Variants in URI1 observed in about 807,000 individuals in gnomAD.
URI1 encodes URI1 prefoldin like chaperone.
Under a neutral mutation model 60.2 loss-of-function variants are expected in URI1, and 39 were observed. The ratio of observed to expected loss-of-function variants is 0.65; its 90% CI spans 0.50 to 0.85. The LOEUF is 0.85. Among genes scored for constraint, URI1 ranks in the 40% least tolerant of loss-of-function variants. The pLI, the probability that URI1 is intolerant of heterozygous loss-of-function variation, is 0.00. For missense variants in URI1, 691 were observed against 665.9 expected (o/e 1.04, Z -0.42); for synonymous variants, 251 against 236.8 (o/e 1.06, Z -0.55).
At chr19:29,949,235 G>A (rs1339452572) in intron 1 of URI1, among the ~76,000 whole-genome samples, 1 of 148,888 alleles carries the variant, frequency 6.7e-6, no homozygotes, top group African/African-American at 2.5e-5. Context: ...TTTTCAGACG[G>A]GGCGGCCGGG....
intron 10 of URI1, chr19:30,012,810 A>AT (rs1228235160): frequency 1.9e-5 from 5 of 269,078 alleles, no homozygotes; most frequent in African/African-American, 1.1e-4. Flanking sequence ...TAGCTAGGAA[A>AT]TTATTTCGCA....
chr19:29,943,131 AAG>A (rs1375913936), intron 1 of URI1, among the ~76,000 whole-genome samples: 1 of 152,016 alleles, frequency 6.6e-6, no homozygotes, highest in South Asian at 2.1e-4. Flanking sequence ...TTAAAAAAAA[AAG>A]AGAGTCTCAC....
upstream of URI1, among the ~76,000 whole-genome samples, chr19:29,939,143 A>G (rs1455029527): frequency 6.6e-6 from 1 of 151,318 alleles, no homozygotes; most frequent in Non-Finnish European, 1.5e-5. Flanking sequence ...ACACCTGGCT[A>G]ATTTTGTATT....
chr19:29,932,654 CTTTT>C (rs34146888), intron 1 of URI1, among the ~76,000 whole-genome samples: 1 of 131,552 alleles, frequency 7.6e-6, no homozygotes. Context: ...CCCTTCATTC[CTTTT>C]TTTTTTTTTT....
Position 30,015,145 on chromosome 19 carries a change from G to A in URI1, c.*76G>A. The A allele has an allele frequency of 6.6e-7, 1 of 1,516,808 alleles. No homozygotes were observed. Among genetic ancestry groups the A allele is most frequent in the Non-Finnish European group, 8.8e-7 (1 of 1,135,454 alleles). The allele number at this position is 1,516,808 out of a possible 1,614,324, so 94.0% of individuals were successfully genotyped here. On this transcript the variant is annotated 3_prime_UTR_variant, in exon 11 of 11. Coordinates refer to ENST00000392271, the MANE Select transcript of URI1 (RefSeq NM_003796.3). ...GTTTAGAGTATCTATAGCAAAATAG[G>A]TTACATGTAGTTTGAAATAAGGTAT...
intron 1 of URI1, among the ~76,000 whole-genome samples, chr19:29,963,425 A>G (rs1386570483): frequency 2.0e-5 from 3 of 152,092 alleles, no homozygotes; most frequent in Non-Finnish European, 4.4e-5. Context: ...TCAGTTGTAC[A>G]ATTTTCATTG....
In URI1 at chr19:29,954,556, C is replaced by A. The variant is rs537925498; in HGVS notation, c.117+11892C>A. 7.5e-5 allele frequency among the ~76,000 whole-genome samples: 11 copies of A among 147,048 alleles called. No homozygotes were observed. In the South Asian group the frequency reaches 1.7e-3, roughly 23 times the overall value. The stretch of plus-strand genomic sequence containing the variant: ...TGAGACAGAGTTTCACTCTTGTTGC[C>A]CAGGCTGGAGTGCAGTGGCGCAATC... On this transcript the variant is annotated intron_variant, in intron 1 of 10. Coordinates refer to ENST00000392271, the MANE Select transcript of URI1 (RefSeq NM_003796.3).
Position 29,942,299 on chromosome 19 carries a change from G to T in URI1, c.-249G>T. ...TGGGCCCGCACCGGAGAGGCGTCTC[G>T]GTACCTGGCAGGCGGCCTGCTACTC... On this transcript the variant is annotated 5_prime_UTR_variant, in exon 1 of 11. Transcript: ENST00000392271. 1 of 985,194 alleles carries T rather than the reference G, an allele frequency of 1.0e-6. No homozygotes were observed. Among genetic ancestry groups the T allele is most frequent in the South Asian group, 4.5e-5 (1 of 22,028 alleles). The allele number at this position is 985,194 out of a possible 1,614,324, so 61.0% of individuals were successfully genotyped here.
chr19:29,925,568 G>A (rs1277458317), intron 1 of URI1: 3 of 152,268 alleles, frequency 2.0e-5, no homozygotes, highest in African/African-American at 7.2e-5. Flanking sequence ...GAAGGCTGAA[G>A]AAACTCCACA....
chr19:30,012,469 A>AT lies in URI1; in HGVS notation c.1367dup (p.Leu456PhefsTer20), dbSNP rs1228254154. The AT allele has an allele frequency of 6.2e-7, 1 of 1,614,206 alleles. No individual in the cohort carries two copies. Among genetic ancestry groups the AT allele is most frequent in the Non-Finnish European group, 8.5e-7 (1 of 1,180,014 alleles). Reference sequence around the variant, plus strand: ...CACTTGCAGTGACACCAGTGAGAGCATTTTGGAAGAGGAACCACAAGAAAA... The same window carrying AT: ...CACTTGCAGTGACACCAGTGAGAGCATTTTTGGAAGAGGAACCACAAGAAAA... On this transcript the variant is annotated frameshift_variant, in exon 10 of 11. Coordinates refer to ENST00000392271, the MANE Select transcript of URI1 (RefSeq NM_003796.3). LOFTEE classifies it high-confidence loss of function.
chr19:29,994,552 T>A (rs892026049), intron 4 of URI1, among the ~76,000 whole-genome samples: 2 of 152,210 alleles, frequency 1.3e-5, no homozygotes, highest in Admixed American at 6.5e-5. Flanking sequence ...TTATTTCACA[T>A]AGCATAATGT....
chr19:29,982,362 C>T (rs1031206213), intron 2 of URI1, among the ~76,000 whole-genome samples: 16 of 152,002 alleles, frequency 1.1e-4, no homozygotes, highest in Admixed American at 8.5e-4. Context: ...TGTTTTTGAA[C>T]GTACTGTTCT....
chr19:29,935,833 C>A (rs1318053502), intron 1 of URI1, among the ~76,000 whole-genome samples: 1 of 151,236 alleles, frequency 6.6e-6, no homozygotes, highest in Non-Finnish European at 1.5e-5. Flanking sequence ...GTCATCCAGG[C>A]TGGAGTGAAA....
intron 1 of URI1, among the ~76,000 whole-genome samples, chr19:29,949,464 G>C (rs1184720216): frequency 1.3e-5 from 2 of 151,878 alleles, no homozygotes; most frequent in Non-Finnish European, 2.9e-5. Context: ...CATCCCAGAC[G>C]ATGGGCGGCC....
intron 4 of URI1, among the ~76,000 whole-genome samples, chr19:29,995,188 T>G (rs1358686833): frequency 6.6e-6 from 1 of 152,164 alleles, no homozygotes; most frequent in African/African-American, 2.4e-5. Context: ...CACATTCTTG[T>G]CAACACTTGT....
At chr19:30,012,618 A>G in intron 10 of URI1, 87 bp downstream of exon 10, 2 of 1,478,252 alleles carry the variant, frequency 1.4e-6, no homozygotes, top group South Asian at 1.4e-5. Flanking sequence ...ATAAGATTAA[A>G]TTAATTCTAG....
At chr19:29,926,269 TTCCTTCCTTCCTTCC>T (rs2054866356) in intron 1 of URI1, among the ~76,000 whole-genome samples, 1 of 143,486 alleles carries the variant, frequency 7.0e-6, no homozygotes, top group African/African-American at 2.7e-5. Context: ...CCTTCCTTCC[TTCCTTCCTTCCTTCC>T]TACCTTCTTT....
chr19:29,942,593 T>TCGGCCC lies in URI1; in HGVS notation c.54_59dup (p.Pro20_Ala21dup), dbSNP rs572078888. On this transcript the variant is annotated inframe_insertion, in exon 1 of 11. Transcript: ENST00000392271. Reference sequence around the variant, plus strand: ...GACGCCCCCCGACCCCTCGCCCCCTTCGGCCCCGGCCCCTGCCCTGGTTCC... The same window carrying TCGGCCC: ...GACGCCCCCCGACCCCTCGCCCCCTTCGGCCCCGGCCCCGGCCCCTGCCCTGGTTCC... The TCGGCCC allele has an allele frequency of 2.8e-3, 4,039 of 1,427,028 alleles. 7 individuals carry two copies. The highest frequency in any genetic ancestry group is 3.4e-3 in the Non-Finnish European group (3,697 of 1,092,840). 88.4% of individuals were successfully genotyped at this position (1,427,028 alleles called of 1,614,324 possible).
At position 29,952,663 on chromosome 19, in the gene URI1, G is replaced by A. The variant is rs147356816; in HGVS notation, c.117+9999G>A. 4.9e-3 allele frequency among the ~76,000 whole-genome samples: 750 copies of A among 151,930 alleles called. 8 individuals are homozygous for A. Among genetic ancestry groups the A allele is most frequent in the African/African-American group, 0.017 (712 of 41,516 alleles). On this transcript the variant is annotated intron_variant, in intron 1 of 10. Coordinates refer to ENST00000392271, the MANE Select transcript of URI1 (RefSeq NM_003796.3). Reference sequence around the variant, plus strand: ...TTACAGGAGTAGAAGAGGAAATAGAGTTTAGAGATCTTTTATTCTAGCAAT... The same window carrying A: ...TTACAGGAGTAGAAGAGGAAATAGAATTTAGAGATCTTTTATTCTAGCAAT...
Sources: allele counts gnomAD v4.1 joint callset (sites outside exome capture counted in the v4.1 genomes callset), GRCh38; gene constraint gnomAD v4.1.1; transcripts MANE v1.5; gene names NCBI Gene and HGNC (gene_info 2026-07-23, HGNC 2026-07-21).